The following PCDH11X variants were observed in gnomAD, a reference collection of about 807,000 sequenced individuals.
PCDH11X encodes protocadherin-11 X-linked.
PCDH11X carries 18 observed loss-of-function variants against 53.3 expected under a neutral mutation model. The ratio of observed to expected loss-of-function variants is 0.34; its 90% confidence interval spans 0.23 to 0.50. The LOEUF is 0.50. Ranked by LOEUF, PCDH11X falls within the 20% of genes least tolerant of loss-of-function variation. The probability of loss-of-function intolerance (pLI) is 0.98; values close to 1 mark genes in which losing one functional copy is unlikely to be tolerated. For missense variants in PCDH11X, 570 were observed against 1,032.4 expected (o/e 0.55, Z 6.14); for synonymous variants, 279 against 393.3 (o/e 0.71, Z 3.44).
intron 6 of PCDH11X, among the ~76,000 whole-genome samples, chrX:92,135,392 A>T (rs1437280333): frequency 9.0e-6 from 1 of 111,085 alleles, no homozygotes; most frequent in Admixed American, 9.7e-5. Flanking sequence ...CCCATCCAGG[A>T]ATGAATAATT....
At chrX:92,609,460 T>A (rs1180394327) in intron 10 of PCDH11X, among the ~76,000 whole-genome samples, 35 of 111,549 alleles carry the variant, frequency 3.1e-4, no homozygotes, top group Non-Finnish European at 5.5e-4. Flanking sequence ...TAGAATGGTA[T>A]CTCTTTGCAT....
chrX:92,124,477 G>A (rs749688640), intron 6 of PCDH11X, among the ~76,000 whole-genome samples: 1 of 109,012 alleles, frequency 9.2e-6, no homozygotes, highest in Admixed American at 9.9e-5. Context: ...CCTGGGAGAC[G>A]GAGGTTGCAG....
In PCDH11X at chrX:91,809,479, A is replaced by G. The variant is rs1221000307; in HGVS notation, c.-365A>G. Among the ~76,000 whole-genome samples the G allele has an allele frequency of 9.2e-6, 1 of 108,610 alleles. No individual in the cohort carries two copies. Among genetic ancestry groups the G allele is most frequent in the African/African-American group, 3.4e-5 (1 of 29,806 alleles). 94.3% of individuals were successfully genotyped at this position (108,610 alleles called of 115,157 possible). A position where few individuals can be genotyped will look rare whatever the true frequency, so the allele number is the denominator to read the frequency against. ...CTTTATACACAGAGGGTGCTTAAAA[A>G]GTACAGATCAACTGGATGGATGAAT... On this transcript the variant is annotated 5_prime_UTR_variant, in exon 2 of 11. Transcript: ENST00000682573.
At chrX:91,824,676 G>A (rs1405940630) in intron 4 of PCDH11X, among the ~76,000 whole-genome samples, 3 of 104,425 alleles carry the variant, frequency 2.9e-5, no homozygotes, top group African/African-American at 4.1e-5. Flanking sequence ...CTCTCAGCTC[G>A]TCAAAGTCAT....
At chrX:92,216,946 C>A (rs1307489250) in intron 7 of PCDH11X, among the ~76,000 whole-genome samples, 3 of 109,150 alleles carry the variant, frequency 2.7e-5, no homozygotes, top group African/African-American at 1.0e-4. Context: ...CATATCCAGG[C>A]AAACTAAGCT....
At chrX:92,579,265 G>A (rs1440918368) in intron 10 of PCDH11X, among the ~76,000 whole-genome samples, 1 of 109,716 alleles carries the variant, frequency 9.1e-6, no homozygotes, top group Admixed American at 9.8e-5. Context: ...GGGGTTCTCC[G>A]GATTTCCTGA....
chrX:92,597,920 C>A (rs1925810723), intron 10 of PCDH11X, among the ~76,000 whole-genome samples: 1 of 111,343 alleles, frequency 9.0e-6, no homozygotes, highest in East Asian at 2.8e-4. Context: ...AGAACATACA[C>A]TGGGGAAAAG....
chrX:91,864,942 G>C (rs2147698015), intron 5 of PCDH11X, among the ~76,000 whole-genome samples: 1 of 110,615 alleles, frequency 9.0e-6, no homozygotes, highest in Non-Finnish European at 1.9e-5. Flanking sequence ...GAATTTCTTT[G>C]AGTTTCTTCA....
chrX:91,811,148 T>C (rs750410387), intron 3 of PCDH11X, 89 bp from the exon 4 acceptor site: 134 of 922,955 alleles, frequency 1.5e-4, no homozygotes, highest in Non-Finnish European at 6.4e-5. Context: ...TTTCAGTGCA[T>C]CTATTTCATT....
intron 6 of PCDH11X, among the ~76,000 whole-genome samples, chrX:92,008,432 A>G (rs2062636434): frequency 9.1e-6 from 1 of 110,452 alleles, no homozygotes; most frequent in African/African-American, 3.3e-5. Context: ...TTAACAGGAC[A>G]GCACTTATTT....
intron 6 of PCDH11X, among the ~76,000 whole-genome samples, chrX:92,143,672 G>C (rs946934836): frequency 8.9e-6 from 1 of 112,629 alleles, no homozygotes; most frequent in African/African-American, 3.2e-5. Context: ...GGTACTCATG[G>C]AGCACCTCTG....
intron 8 of PCDH11X, among the ~76,000 whole-genome samples, chrX:92,341,616 G>A (rs1015858845): frequency 1.8e-4 from 20 of 110,741 alleles, no homozygotes; most frequent in African/African-American, 6.6e-4. Context: ...GCAAGTCAGG[G>A]GTGCCACACT....
At chrX:91,814,085 T>C (rs1163633196) in intron 4 of PCDH11X, among the ~76,000 whole-genome samples, 1 of 101,912 alleles carries the variant, frequency 9.8e-6, no homozygotes, top group Non-Finnish European at 2.1e-5. Context: ...TTTTGTGAGG[T>C]GTTTGCTTTA....
At chrX:91,905,152 T>C (rs1332858609) in intron 6 of PCDH11X, among the ~76,000 whole-genome samples, 2 of 106,588 alleles carry the variant, frequency 1.9e-5, no homozygotes, top group African/African-American at 6.8e-5. Context: ...TATTTTGAGA[T>C]GGAGTCTCAC....
intron 7 of PCDH11X, among the ~76,000 whole-genome samples, chrX:92,207,577 G>A (rs1002025124): frequency 5.4e-5 from 6 of 111,840 alleles, no homozygotes; most frequent in African/African-American, 1.9e-4. Context: ...TATGAATTTA[G>A]ACAATATCTT....
chrX:92,479,675 T>C (rs986455420), intron 10 of PCDH11X, among the ~76,000 whole-genome samples: 38 of 108,965 alleles, frequency 3.5e-4, no homozygotes, highest in African/African-American at 1.2e-3. Context: ...ATGTTGAATA[T>C]AGACCCTCAA....
intron 6 of PCDH11X, among the ~76,000 whole-genome samples, chrX:92,064,452 G>A (rs780613065): frequency 9.5e-6 from 1 of 105,257 alleles, no homozygotes; most frequent in South Asian, 4.2e-4. Flanking sequence ...CCACAATCGA[G>A]GTATGGAACA....
At chrX:92,345,752 T>G (rs2069878527) in intron 8 of PCDH11X, among the ~76,000 whole-genome samples, 1 of 110,965 alleles carries the variant, frequency 9.0e-6, no homozygotes, top group Middle Eastern at 4.6e-3. Flanking sequence ...CTTCATTTGT[T>G]ATTTGAAGTT....
At chrX:91,994,367 T>C (rs935183158) in intron 6 of PCDH11X, among the ~76,000 whole-genome samples, 2 of 110,333 alleles carry the variant, frequency 1.8e-5, no homozygotes, top group African/African-American at 6.6e-5. Context: ...TGAGTTTGAA[T>C]TTTTAGATTT....
Sources: allele counts gnomAD v4.1 joint callset (sites outside exome capture counted in the v4.1 genomes callset), GRCh38; gene constraint gnomAD v4.1.1; transcripts MANE v1.5; gene names NCBI Gene and HGNC (gene_info 2026-07-23, HGNC 2026-07-21).